Variants in PRKG1 observed in about 807,000 individuals in gnomAD.
The protein encoded by PRKG1 is cGMP-dependent protein kinase 1.
A neutral mutation model predicts 88.1 loss-of-function variants in PRKG1; 35 were observed. That is an observed-to-expected ratio of 0.40 (90% CI 0.30 to 0.53). The LOEUF (loss-of-function observed/expected upper bound fraction) is 0.53, where lower values mean the gene tolerates loss of function less well. Among genes scored for constraint, PRKG1 ranks in the 20% least tolerant of loss-of-function variants. The pLI, the probability that PRKG1 is intolerant of heterozygous loss-of-function variation, is 0.59. For missense variants in PRKG1, 540 were observed against 839.8 expected (o/e 0.64, Z 4.41); for synonymous variants, 303 against 292.5 (o/e 1.04, Z -0.37).
chr10:52,151,440 TTGA>T (rs1837914074), intron 8 of PRKG1, among the ~76,000 whole-genome samples: 1 of 152,202 alleles, frequency 6.6e-6, no homozygotes, highest in Admixed American at 6.5e-5. Flanking sequence ...TAATTTAGTA[TTGA>T]TAGTTTGTTT....
At chr10:51,416,722 A>G (rs1423366527) in intron 2 of PRKG1, among the ~76,000 whole-genome samples, 1 of 152,154 alleles carries the variant, frequency 6.6e-6, no homozygotes, top group Admixed American at 6.5e-5. Flanking sequence ...TGGGCTAAAG[A>G]GGGTCACGTA....
At chr10:52,152,980 T>C (rs1219220863) in intron 8 of PRKG1, among the ~76,000 whole-genome samples, 2 of 152,148 alleles carry the variant, frequency 1.3e-5, no homozygotes, top group Non-Finnish European at 2.9e-5. Context: ...AGAAGGAGAC[T>C]GACCAAAAAC....
intron 2 of PRKG1, among the ~76,000 whole-genome samples, chr10:51,248,660 A>C (rs1290156026): frequency 6.6e-6 from 1 of 151,848 alleles, no homozygotes; most frequent in African/African-American, 2.4e-5. Flanking sequence ...ATTGAACTGC[A>C]TTTATATATT....
intron 1 of PRKG1, among the ~76,000 whole-genome samples, chr10:51,108,669 T>C (rs1215286237): frequency 6.6e-6 from 1 of 152,198 alleles, no homozygotes; most frequent in East Asian, 1.9e-4. Context: ...GCTAACATCA[T>C]ACTTAATGGT....
intron 2 of PRKG1, among the ~76,000 whole-genome samples, chr10:51,188,101 CACTT>C (rs1400025620): frequency 6.6e-6 from 1 of 151,990 alleles, no homozygotes; most frequent in Non-Finnish European, 1.5e-5. Flanking sequence ...AGGCTCTAAA[CACTT>C]AATGCCATTT....
chr10:51,340,645 C>A (rs1175684641), intron 2 of PRKG1, among the ~76,000 whole-genome samples: 1 of 152,148 alleles, frequency 6.6e-6, no homozygotes, highest in Non-Finnish European at 1.5e-5. Flanking sequence ...ACTCCTAAGC[C>A]AAACCAATAC....
chr10:51,709,929 A>G (rs528586125), intron 3 of PRKG1, among the ~76,000 whole-genome samples: 2 of 128,820 alleles, frequency 1.6e-5, no homozygotes, highest in South Asian at 5.0e-4. Flanking sequence ...CAAGGGTTTG[A>G]CAATGCTTTA....
At chr10:51,417,607 A>G (rs1236611379) in intron 2 of PRKG1, among the ~76,000 whole-genome samples, 4 of 152,270 alleles carry the variant, frequency 2.6e-5, no homozygotes, top group African/African-American at 9.6e-5. Context: ...AAATTGTAGA[A>G]CATAGTAGGA....
intron 3 of PRKG1, among the ~76,000 whole-genome samples, chr10:51,552,393 A>G (rs569929458): frequency 6.6e-6 from 1 of 151,728 alleles, no homozygotes; most frequent in Admixed American, 6.6e-5. Context: ...GGTAGTTGGT[A>G]GTGTTTTTTT....
At chr10:51,013,916 C>T (rs1251415327) in intron 1 of PRKG1, among the ~76,000 whole-genome samples, 1 of 152,036 alleles carries the variant, frequency 6.6e-6, no homozygotes, top group Non-Finnish European at 1.5e-5. Context: ...TCGTCTTAAT[C>T]GATGGCTGTA....
chr10:51,774,676 A>C (rs1259299252), intron 3 of PRKG1, among the ~76,000 whole-genome samples: 1 of 152,136 alleles, frequency 6.6e-6, no homozygotes, highest in Non-Finnish European at 1.5e-5. Flanking sequence ...AATATTATTC[A>C]TTCTTATTTT....
chr10:51,058,207 T>G (rs1441681123), intron 1 of PRKG1, among the ~76,000 whole-genome samples: 1 of 152,170 alleles, frequency 6.6e-6, no homozygotes, highest in Non-Finnish European at 1.5e-5. Flanking sequence ...TGTCTTGACT[T>G]ATGAGTTTTA....
At chr10:51,774,375 A>G (rs956123367) in intron 3 of PRKG1, among the ~76,000 whole-genome samples, 2 of 152,220 alleles carry the variant, frequency 1.3e-5, no homozygotes, top group African/African-American at 4.8e-5. Context: ...TTCCCCTTAT[A>G]CTATATTCTC....
At chr10:51,190,640 T>A (rs1308090731) in intron 2 of PRKG1, among the ~76,000 whole-genome samples, 2 of 151,874 alleles carry the variant, frequency 1.3e-5, no homozygotes, top group Non-Finnish European at 2.9e-5. Flanking sequence ...CTTTGTGCTC[T>A]CTTTCCTTTG....
intron 4 of PRKG1, among the ~76,000 whole-genome samples, chr10:51,882,297 G>C (rs7069812): frequency 0.75 from 114,608 of 152,056 alleles, 43,694 homozygotes; most frequent in African/African-American, 0.87. Flanking sequence ...CTCCAACCAG[G>C]TACCCTTGCC....
intron 2 of PRKG1, among the ~76,000 whole-genome samples, chr10:51,417,369 G>A (rs994637491): frequency 2.0e-5 from 3 of 152,152 alleles, no homozygotes; most frequent in African/African-American, 7.2e-5. Flanking sequence ...TTCTTTAACT[G>A]TAGCATTCAG....
rs1005487373 is a variant in PRKG1 at position 51,381,398 on chromosome 10, C to T, written c.479-86325C>T. Among the ~76,000 whole-genome samples the T allele has an allele frequency of 4.0e-5, 6 of 151,526 alleles. No homozygotes were observed. The South Asian group carries it at 6.3e-4, about 16-fold the overall frequency. Reference sequence around the variant, plus strand: ...AAGAAATGAAACTCAATCAGTACCCCTCACATGGAGGTAAAACCAGTCATC... The same window carrying T: ...AAGAAATGAAACTCAATCAGTACCCTTCACATGGAGGTAAAACCAGTCATC... On this transcript the variant is annotated intron_variant, in intron 2 of 17. Coordinates refer to ENST00000373980, the MANE Select transcript of PRKG1 (RefSeq NM_006258.4).
rs59474861 is a variant in PRKG1 at position 51,846,107 on chromosome 10, A to G, written c.698+41417A>G. 3.4e-3 allele frequency among the ~76,000 whole-genome samples: 511 copies of G among 152,276 alleles called. 3 individuals are homozygous for G. Among genetic ancestry groups the G allele is most frequent in the African/African-American group, 0.012 (493 of 41,578 alleles). ...CCCACATCTACCCAAACAGATGTTT[A>G]GATGTTAAAGATGTCTAGGAATAAA... On this transcript the variant is annotated intron_variant, in intron 4 of 17. Transcript: ENST00000373980.
chr10:51,995,348 A>G (rs1319219266), intron 5 of PRKG1, among the ~76,000 whole-genome samples: 1 of 152,200 alleles, frequency 6.6e-6, no homozygotes, highest in Non-Finnish European at 1.5e-5. Flanking sequence ...GACCTTAACT[A>G]TCTTAAAACT....
Sources: gnomAD v4.1 joint callset for allele counts (sites outside exome capture counted in the v4.1 genomes callset) on GRCh38, gnomAD v4.1.1 for gene constraint, MANE v1.5 for transcripts, NCBI Gene and HGNC (gene_info 2026-07-23, HGNC 2026-07-21) for gene names.